The following GARRE1 variants were observed in gnomAD, a reference collection of about 807,000 sequenced individuals.
GARRE1 encodes the protein granule associated Rac and RHOG effector protein 1.
A neutral mutation model predicts 103.2 loss-of-function variants in GARRE1; 49 were observed. The observed-to-expected ratio is 0.47, with a 90% CI of 0.38 to 0.60. The LOEUF (loss-of-function observed/expected upper bound fraction) is 0.60. Ranked by LOEUF, GARRE1 falls within the 20% of genes least tolerant of loss-of-function variation. The pLI, the probability that GARRE1 is intolerant of heterozygous loss-of-function variation, is 0.00. For synonymous variants in GARRE1, 505 were observed against 532.8 expected (o/e 0.95, Z 0.72); for missense variants, 1,199 against 1,370.5 (o/e 0.87, Z 1.98).
chr19:34,349,289 C>A, intron 12 of GARRE1, 136 bp downstream of exon 12: 1 of 860,098 alleles, frequency 1.2e-6, no homozygotes, highest in Non-Finnish European at 1.8e-6. Context: ...CCAGCAATGC[C>A]TGGCTGAAGC....
At chr19:34,343,459 G>A (rs7254168) in intron 10 of GARRE1, among the ~76,000 whole-genome samples, 34,125 of 151,910 alleles carry the variant, frequency 0.22, 4,408 homozygotes, top group East Asian at 0.62. Context: ...CTTTAAGACA[G>A]TACCATCTAA....
rs1196232930 is a variant in GARRE1 at position 34,341,673 on chromosome 19, TGC to T, written c.1740_1741del (p.Met580IlefsTer5). The T allele has an allele frequency of 6.2e-7, 1 of 1,614,194 alleles. No individual in the cohort carries two copies. Among genetic ancestry groups the T allele is most frequent in the Admixed American group, 1.7e-5 (1 of 60,018 alleles). On this transcript the variant is annotated frameshift_variant, in exon 10 of 14. Transcript: ENST00000299505. LOFTEE classifies it high-confidence loss of function. ...GGATGTTCCGAAGAGAAGGCCAAAATGCCTGGCAATATTGATACAAGGTTACA... is the reference window on the plus strand; with the variant it reads ...GGATGTTCCGAAGAGAAGGCCAAAATCTGGCAATATTGATACAAGGTTACA...
chr19:34,351,166 T>C (rs1189268852), intron 12 of GARRE1, among the ~76,000 whole-genome samples: 2 of 146,516 alleles, frequency 1.4e-5, no homozygotes, highest in African/African-American at 5.0e-5. Flanking sequence ...GCCACTGCAC[T>C]CCAGCCTGGG....
At chr19:34,331,960 C>T (rs938784358) in intron 7 of GARRE1, among the ~76,000 whole-genome samples, 2 of 150,912 alleles carry the variant, frequency 1.3e-5, no homozygotes, top group Admixed American at 6.6e-5. Flanking sequence ...CACTGCACTC[C>T]AGCCTGGGTC....
At chr19:34,291,243 C>T (rs1198836654) in intron 1 of GARRE1, among the ~76,000 whole-genome samples, 1 of 151,994 alleles carries the variant, frequency 6.6e-6, no homozygotes, top group East Asian at 1.9e-4. Flanking sequence ...AGTAGCAAAA[C>T]TGTAAGTCAA....
chr19:34,352,752 C>T lies in GARRE1; in HGVS notation c.3010C>T (p.Pro1004Ser), dbSNP rs202183700. Reference protein sequence around the residue: ...PSAPLYAVTSPGSQWNDTMQM... With the variant: ...PSAPLYAVTSSGSQWNDTMQM... ...CGCACCACTCTATGCAGTCACCAGC[C>T]CTGGCAGCCAGTGGAACGACACCAT... The change falls in exon 14 of 14, where the codon CCT becomes TCT. Residue 1004 changes from proline (P) to serine (S), a missense_variant. Pro to Ser is a moderately conservative substitution (Grantham distance 74, BLOSUM62 -1). Coordinates refer to ENST00000299505, the MANE Select transcript of GARRE1 (RefSeq NM_014686.5). 5 of 1,614,134 alleles carry T rather than the reference C, an allele frequency of 3.1e-6. No individual in the cohort carries two copies. The African/African-American group carries it at 4.0e-5, about 13-fold the overall frequency.
chr19:34,350,763 A>G (rs1186746961), intron 12 of GARRE1, among the ~76,000 whole-genome samples: 1 of 151,966 alleles, frequency 6.6e-6, no homozygotes, highest in Admixed American at 6.6e-5. Flanking sequence ...TTGTATTTTT[A>G]GTAGAGACAG....
chr19:34,278,816 T>C (rs1456598621), intron 1 of GARRE1, among the ~76,000 whole-genome samples: 3 of 152,072 alleles, frequency 2.0e-5, no homozygotes, highest in Non-Finnish European at 2.9e-5. Flanking sequence ...GAACTACAAG[T>C]GTGCACCATA....
chr19:34,350,224 G>A (rs2074229914), intron 12 of GARRE1, among the ~76,000 whole-genome samples: 1 of 152,164 alleles, frequency 6.6e-6, no homozygotes, highest in South Asian at 2.1e-4. Context: ...GGCAGCAACT[G>A]GTGGGGAATC....
At position 34,300,655 on chromosome 19, in the gene GARRE1, G is replaced by A; in HGVS notation, c.182G>A (p.Gly61Asp). Residue 61 changes from glycine to aspartate, a missense_variant, in exon 2 of 14, where the codon GGC (glycine) becomes GAC (aspartate). Coordinates refer to ENST00000299505, the MANE Select transcript of GARRE1 (RefSeq NM_014686.5). ...TAPLGSLTAAGSCHHAMPHTT... is the reference protein window; with the variant it reads ...TAPLGSLTAADSCHHAMPHTT... ...CCCCTGGGCAGTCTGACCGCTGCAG[G>A]CAGCTGCCACCATGCCATGCCCCAC... is the stretch of plus-strand genomic sequence containing the variant. 1 of 1,613,812 alleles carries A rather than the reference G, an allele frequency of 6.2e-7. No homozygotes were observed. The highest frequency in any genetic ancestry group is 8.5e-7 in the Non-Finnish European group (1 of 1,180,012).
rs2074079232 is a variant in GARRE1 at position 34,320,118 on chromosome 19, T to G, written c.705+2T>G. 6.2e-7 allele frequency: 1 copy of G among 1,612,830 alleles called. No homozygotes were observed. On this transcript the variant is annotated splice_donor_variant, in intron 3 of 13. Transcript: ENST00000299505. LOFTEE classifies it high-confidence loss of function. ...CGGTCCTGGCGGGGGGCTGCTGAGG[T>G]AACCCTGGCTTTGGGGAGATTGGTG...
rs371326530 is a variant in GARRE1, at chr19:34,305,043, C to T, written c.495+4075C>T. Among the ~76,000 whole-genome samples, 54 of 152,238 alleles carry T rather than the reference C, an allele frequency of 3.5e-4. 1 individual carries two copies. The South Asian group carries it at 0.011, about 30-fold the overall frequency. ...TCCTGACCTCGGGATCCGCCCGTCT[C>T]GGCCTCCCAAAGTGCTGGGATTACA... On this transcript the variant is annotated intron_variant, in intron 2 of 13. Transcript: ENST00000299505.
At chr19:34,283,942 C>T (rs1416741103) in intron 1 of GARRE1, among the ~76,000 whole-genome samples, 5 of 150,522 alleles carry the variant, frequency 3.3e-5, no homozygotes, top group Non-Finnish European at 7.4e-5. Flanking sequence ...TGCCATTCTC[C>T]TGCCTCAGCC....
chr19:34,296,362 G>C (rs2073947598), intron 1 of GARRE1: 6 of 1,294,022 alleles, frequency 4.6e-6, no homozygotes, highest in Non-Finnish European at 5.5e-6. Flanking sequence ...GCGCTGATTT[G>C]ATCCTTGGCC....
In GARRE1 at chr19:34,319,891, T is replaced by C. The variant is rs377399751; in HGVS notation, c.496-16T>C. The C allele has an allele frequency of 6.2e-7, 1 of 1,612,352 alleles. No homozygotes were observed. The highest frequency in any genetic ancestry group is 1.1e-5 in the South Asian group (1 of 91,048). On this transcript the variant is annotated splice_polypyrimidine_tract_variant and intron_variant, in intron 2 of 13. Coordinates refer to ENST00000299505, the MANE Select transcript of GARRE1 (RefSeq NM_014686.5). ...AACCCACAACCTAAACATCCCTGGC[T>C]GTCTTGTTTTCACAGGTGTTGGGGC...
intron 2 of GARRE1, among the ~76,000 whole-genome samples, chr19:34,308,317 A>G (rs1346119639): frequency 6.8e-6 from 1 of 146,466 alleles, no homozygotes; most frequent in Non-Finnish European, 1.5e-5. Context: ...TCTGTAACAG[A>G]TTATGGAGTA....
chr19:34,327,449 G>C lies in GARRE1; in HGVS notation c.734G>C (p.Cys245Ser), dbSNP rs146373085. ...EATSRLRERG[C>S]DGCLAGIEVQ... ...ACATCTAGACTAAGAGAAAGAGGCT[G>C]TGATGGTTGCCTGGCAGGAATTGAA... Residue 245 changes from cysteine to serine, a missense_variant, in exon 4 of 14, where the codon TGT (cysteine) becomes TCT (serine). By Grantham distance (112) the Cys-to-Ser change is moderately radical. Coordinates refer to ENST00000299505, the MANE Select transcript of GARRE1 (RefSeq NM_014686.5). 1 of 1,614,118 alleles carries C rather than the reference G, an allele frequency of 6.2e-7. No individual in the cohort carries two copies. The highest frequency in any genetic ancestry group is 1.3e-5 in the African/African-American group (1 of 75,064).
intron 7 of GARRE1, 139 bp downstream of exon 7, chr19:34,330,486 T>A: frequency 1.3e-6 from 1 of 799,714 alleles, no homozygotes; most frequent in Non-Finnish European, 2.0e-6. Flanking sequence ...ACCAGGCAGG[T>A]AGACAAGGTA....
intron 8 of GARRE1, among the ~76,000 whole-genome samples, chr19:34,336,043 T>G (rs1482373911): frequency 6.6e-6 from 1 of 152,118 alleles, no homozygotes; most frequent in East Asian, 1.9e-4. Flanking sequence ...CAGACTGCAG[T>G]GCAGTGGTGT....
Sources: gnomAD v4.1 joint callset for allele counts (sites outside exome capture counted in the v4.1 genomes callset) on GRCh38, gnomAD v4.1.1 for gene constraint, MANE v1.5 for transcripts, NCBI Gene and HGNC (gene_info 2026-07-23, HGNC 2026-07-21) for gene names.